EPPK1: variants seen among roughly 807,000 people sequenced by gnomAD.
The protein encoded by EPPK1 is epiplakin 1, also known as epiplakin.
For missense variants in EPPK1, 3,823 were observed against 3,673.3 expected (o/e 1.04, Z -1.05); for synonymous variants, 1,862 against 1,721.2 (o/e 1.08, Z -2.03).
chr8:143,866,807 C>G lies in EPPK1; in HGVS notation c.6447G>C (p.Arg2149=). ...LVRMYRTHTR[R]ALQTVAQLIL... is the part of the protein sequence containing the mutation. Reference sequence around the variant, plus strand: ...TGAGCTGCGCTACCGTCTGCAGTGCCCGTCTGGTGTGTGTTCTATACATCC... The same window carrying G: ...TGAGCTGCGCTACCGTCTGCAGTGCGCGTCTGGTGTGTGTTCTATACATCC... Residue 2149 remains arginine, a synonymous_variant, in exon 2 of 2, where the codon CGG becomes CGC. Coordinates refer to ENST00000615648, the MANE Select transcript of EPPK1 (RefSeq NM_031308.4). 6.2e-7 allele frequency: 1 copy of G among 1,613,474 alleles called. No homozygotes were observed. The highest frequency in any genetic ancestry group is 8.5e-7 in the Non-Finnish European group (1 of 1,179,864).
At position 143,868,347 on chromosome 8, in the gene EPPK1, T is replaced by G; in HGVS notation, c.4907A>C (p.Lys1636Thr). The change falls in exon 2 of 2, where the codon AAA becomes ACA. Residue 1636 changes from lysine to threonine, a missense_variant. By Grantham distance (78) the Lys-to-Thr change is moderately conservative. Coordinates refer to ENST00000615648, the MANE Select transcript of EPPK1 (RefSeq NM_031308.4). The stretch of plus-strand genomic sequence containing the variant: ...CGACAGCAGCTTCACGTAGGTTTCT[T>G]TCCCGAACATTCCTGCTTTGAACGC... ...EEAFKAGMFG[K>T]ETYVKLLSAE... 1.2e-6 allele frequency: 2 copies of G among 1,613,062 alleles called. No individual in the cohort carries two copies. Among genetic ancestry groups the G allele is most frequent in the Non-Finnish European group, 1.7e-6 (2 of 1,180,000 alleles).
rs781796188 is a variant in EPPK1, at chr8:143,873,178, T to C, written c.76A>G (p.Met26Val). 1.3e-6 allele frequency: 2 copies of C among 1,595,818 alleles called. No homozygotes were observed. Among genetic ancestry groups the C allele is most frequent in the East Asian group, 2.2e-5 (1 of 44,788 alleles). Residue 26 changes from methionine (M) to valine (V), a missense_variant, in exon 2 of 2, where the codon ATG becomes GTG. Coordinates refer to ENST00000615648, the MANE Select transcript of EPPK1 (RefSeq NM_031308.4). ...GTGCCGGCTCCCAGCGTGGCTGCCA[T>C]GGCTCTGGGTACACTGGCCTGCTCT... The part of the protein sequence containing the change: ...STEQASVPRA[M>V]AATLGAGTPP...
rs782132942 is a variant in EPPK1, at chr8:143,858,114, G to C, written c.15140C>G (p.Pro5047Arg). 1 of 1,613,452 alleles carries C rather than the reference G, an allele frequency of 6.2e-7. No homozygotes were observed. Among genetic ancestry groups the C allele is most frequent in the African/African-American group, 1.3e-5 (1 of 75,068 alleles). Residue 5047 changes from proline (P) to arginine (R), a missense_variant, in exon 2 of 2, where the codon CCC becomes CGC. Pro to Arg is a moderately radical substitution (Grantham distance 103, BLOSUM62 -2). Coordinates refer to ENST00000615648, the MANE Select transcript of EPPK1 (RefSeq NM_031308.4). ...GAAGAAGCCCTTGGTGTCGTCGCTG[G>C]GGTCGGCCAGGACGCGGTTCATCTC... Reference protein sequence around the residue: ...DEEMNRVLADPSDDTKGFFDP... With the variant: ...DEEMNRVLADRSDDTKGFFDP...
chr8:143,876,847 G>A (rs1819488831), intron 1 of EPPK1, among the ~76,000 whole-genome samples: 1 of 152,356 alleles, frequency 6.6e-6, no homozygotes, highest in South Asian at 2.1e-4. Context: ...CCAGCAAGGG[G>A]GAGGGGCAGT....
In EPPK1 at chr8:143,871,648, G is replaced by T; in HGVS notation, c.1606C>A (p.Leu536Ile). The change falls in exon 2 of 2, where the codon CTC becomes ATC. Residue 536 changes from leucine (L) to isoleucine (I), a missense_variant. Physicochemically the swap from Leu to Ile is conservative, Grantham distance 5. Coordinates refer to ENST00000615648, the MANE Select transcript of EPPK1 (RefSeq NM_031308.4). ...TTAGCGGCCAGCTTCTCCACGGAGAGGGTCCCTTCCTGGTACTGCTGGGCC... is the reference window on the plus strand; with the variant it reads ...TTAGCGGCCAGCTTCTCCACGGAGATGGTCCCTTCCTGGTACTGCTGGGCC... ...MLAQQYQEGT[L>I]SVEKLAAKLS... is the part of the protein sequence containing the mutation. 6.2e-7 allele frequency: 1 copy of T among 1,603,074 alleles called. No homozygotes were observed.
chr8:143,870,192 G>C lies in EPPK1; in HGVS notation c.3062C>G (p.Ser1021Cys), dbSNP rs147934659. 10 of 1,611,292 alleles carry C rather than the reference G, an allele frequency of 6.2e-6. No homozygotes were observed. The East Asian group carries it at 2.2e-4, about 36-fold the overall frequency. ...ACCTTTCTTCATGGCCTGGAACACA[G>C]ACACCTGCTTCCCAGAGAAGGGGTC... ...FRDPFSGKQVSVFQAMKKGLI... is the reference protein window; with the variant it reads ...FRDPFSGKQVCVFQAMKKGLI... The change falls in exon 2 of 2, where the codon TCT (serine) becomes TGT (cysteine). Residue 1021 changes from serine to cysteine, a missense_variant. Coordinates refer to ENST00000615648, the MANE Select transcript of EPPK1 (RefSeq NM_031308.4). This position sits in a 1 kb window ranked among gnomAD's most constrained non-coding sequence, Gnocchi z 5.2.
intron 1 of EPPK1, among the ~76,000 whole-genome samples, chr8:143,877,058 G>A (rs374999346): frequency 1.7e-4 from 26 of 152,402 alleles, no homozygotes; most frequent in African/African-American, 5.5e-4. Flanking sequence ...GAGACAGGGC[G>A]CTTGGGAGCA....
chr8:143,872,268 A>T lies in EPPK1; in HGVS notation c.986T>A (p.Val329Glu), dbSNP rs1440888619. Reference sequence around the variant, plus strand: ...CAGCCGCTGGCCTGTGATGGGGTCCACCAGGGTGTGGGTGGCAGCCTGGGC... The same window carrying T: ...CAGCCGCTGGCCTGTGATGGGGTCCTCCAGGGTGTGGGTGGCAGCCTGGGC... ...LEAQAATHTL[V>E]DPITGQRLWV... The change falls in exon 2 of 2, where the codon GTG (valine) becomes GAG (glutamate). Residue 329 changes from valine (V) to glutamate (E), a missense_variant. By Grantham distance (121) the Val-to-Glu change is moderately radical. Coordinates refer to ENST00000615648, the MANE Select transcript of EPPK1 (RefSeq NM_031308.4). 2.5e-6 allele frequency: 4 copies of T among 1,608,088 alleles called. No homozygotes were observed. The highest frequency in any genetic ancestry group is 1.7e-6 in the Non-Finnish European group (2 of 1,177,716).
intron 1 of EPPK1, among the ~76,000 whole-genome samples, chr8:143,876,984 C>T (rs1819494217): frequency 6.6e-6 from 1 of 152,242 alleles, no homozygotes; most frequent in Admixed American, 6.5e-5. Context: ...CTAAGCGGGC[C>T]TCGTAAGCTC....
chr8:143,868,394 G>C lies in EPPK1; in HGVS notation c.4860C>G (p.Asn1620Lys). Residue 1620 changes from asparagine to lysine, a missense_variant, in exon 2 of 2, where the codon AAC becomes AAG. Asn to Lys is a moderately conservative substitution (Grantham distance 94, BLOSUM62 0). Transcript: ENST00000615648. ...ATGFIIDPVENRKLTVEEAFK... is the reference protein window; with the variant it reads ...ATGFIIDPVEKRKLTVEEAFK... Reference sequence around the variant, plus strand: ...ACGCCTCCTCCACGGTCAGCTTCCGGTTCTCCACGGGGTCGATGATGAAGC... The same window carrying C: ...ACGCCTCCTCCACGGTCAGCTTCCGCTTCTCCACGGGGTCGATGATGAAGC... 6.2e-7 allele frequency: 1 copy of C among 1,612,676 alleles called. No homozygotes were observed. Among genetic ancestry groups the C allele is most frequent in the Non-Finnish European group, 8.5e-7 (1 of 1,179,860 alleles).
rs782609773 is a variant in EPPK1 at position 143,867,543 on chromosome 8, A to G, written c.5711T>C (p.Val1904Ala). ...GCTCATGACCTCCCTGGTGGAGGGC[A>G]CCGTGACCCCCGCAATGCAGCCGCT... ...EGSGCIAGVT[V>A]PSTREVMSLH... Residue 1904 changes from valine (V) to alanine (A), a missense_variant, in exon 2 of 2, where the codon GTG (valine) becomes GCG (alanine). Transcript: ENST00000615648. 1 of 1,612,494 alleles carries G rather than the reference A, an allele frequency of 6.2e-7. No individual in the cohort carries two copies. The highest frequency in any genetic ancestry group is 1.7e-5 in the Admixed American group (1 of 59,980).
chr8:143,878,447 C>CCT lies in EPPK1; in HGVS notation c.-56_-55insAG, dbSNP rs1819533213. Reference sequence around the variant, plus strand: ...GCCGCACCCGCCGCACCTGCCCGCTCGCCGCTCGGTCCGCAGTGTCTCCGC... The same window carrying CCT: ...GCCGCACCCGCCGCACCTGCCCGCTCCTGCCGCTCGGTCCGCAGTGTCTCCGC... On this transcript the variant is annotated 5_prime_UTR_variant, in exon 1 of 2. Transcript: ENST00000615648. The CCT allele has an allele frequency of 6.7e-6, 1 of 149,326 alleles. No individual in the cohort carries two copies. Among genetic ancestry groups the CCT allele is most frequent in the South Asian group, 1.8e-4 (1 of 5,674 alleles). The allele number at this position is 149,326 out of a possible 1,614,324, so 9.3% of individuals were successfully genotyped here. A position where few individuals can be genotyped will look rare whatever the true frequency, so the allele number is the denominator to read the frequency against.
chr8:143,858,020 C>T lies in EPPK1; in HGVS notation c.15234G>A (p.Thr5078=), dbSNP rs6982684. Residue 5078 remains threonine (T), a synonymous_variant, in exon 2 of 2, where the codon ACG becomes ACA. Coordinates refer to ENST00000615648, the MANE Select transcript of EPPK1 (RefSeq NM_031308.4). ...GAGAGAGAGAAAGAAATAGGAGCCCCGTCTCAGGGTCCAGGGTGGCCCTCT... is the reference window on the plus strand; with the variant it reads ...GAGAGAGAGAAAGAAATAGGAGCCCTGTCTCAGGGTCCAGGGTGGCCCTCT... ...LLQRATLDPE[T]GLLFLSLSLQ 4 of 1,610,604 alleles carry T rather than the reference C, an allele frequency of 2.5e-6. No individual in the cohort carries two copies. The highest frequency in any genetic ancestry group is 2.2e-5 in the East Asian group (1 of 44,850).
Position 143,870,137 on chromosome 8 carries a change from G to A in EPPK1, c.3117C>T (p.Leu1039=). ...CTCCTGTGGCCACTTGAGCCTCCAG[G>A]AGGCGGGCAGCTTGCTCCCAAGGGA... is the stretch of plus-strand genomic sequence containing the variant. The part of the protein sequence containing the change: ...GLIPWEQAAR[L]LEAQVATGGI... The change falls in exon 2 of 2, where the codon CTC becomes CTT. Residue 1039 remains leucine (L), a synonymous_variant. Transcript: ENST00000615648. The surrounding 1 kb of genome is among the most constrained non-coding windows in gnomAD (Gnocchi z 5.2). 1 of 1,611,816 alleles carries A rather than the reference G, an allele frequency of 6.2e-7. No homozygotes were observed. The highest frequency in any genetic ancestry group is 8.5e-7 in the Non-Finnish European group (1 of 1,179,422).
At chr8:143,875,226 C>G (rs1161131385) in intron 1 of EPPK1, among the ~76,000 whole-genome samples, 1 of 152,210 alleles carries the variant, frequency 6.6e-6, no homozygotes, top group Non-Finnish European at 1.5e-5. Flanking sequence ...CTCCCCATGT[C>G]TGGTCTCACG....
chr8:143,872,224 T>A lies in EPPK1; in HGVS notation c.1030A>T (p.Arg344Trp), dbSNP rs1819377508. Reference protein sequence around the residue: ...GQRLWVDEAVRAGLVSPELHE... With the variant: ...GQRLWVDEAVWAGLVSPELHE... ...AGCTCTGGGCTGACCAGGCCCGCCC[T>A]GACTGCCTCGTCTACCCACAGCCGC... is the stretch of plus-strand genomic sequence containing the variant. Residue 344 changes from arginine to tryptophan, a missense_variant, in exon 2 of 2, where the codon AGG becomes TGG. By Grantham distance (101) the Arg-to-Trp change is moderately radical. Coordinates refer to ENST00000615648, the MANE Select transcript of EPPK1 (RefSeq NM_031308.4). The A allele has an allele frequency of 6.2e-7, 1 of 1,609,276 alleles. No homozygotes were observed. Among genetic ancestry groups the A allele is most frequent in the Non-Finnish European group, 8.5e-7 (1 of 1,178,398 alleles).
In EPPK1 at chr8:143,866,800, G is replaced by A. The variant is rs1819129479; in HGVS notation, c.6454C>T (p.Gln2152Ter). 1.2e-6 allele frequency: 2 copies of A among 1,613,306 alleles called. No homozygotes were observed. Among genetic ancestry groups the A allele is most frequent in the African/African-American group, 1.3e-5 (1 of 74,912 alleles). ...TCTAAGATGAGCTGCGCTACCGTCTGCAGTGCCCGTCTGGTGTGTGTTCTA... is the reference window on the plus strand; with the variant it reads ...TCTAAGATGAGCTGCGCTACCGTCTACAGTGCCCGTCTGGTGTGTGTTCTA... ...MYRTHTRRAL[Q>*]TVAQLILELI... The change falls in exon 2 of 2, where the codon CAG (glutamine) becomes TAG (stop). Residue 2152 changes from glutamine (Q) to a stop codon, truncating the protein, a stop_gained. Coordinates refer to ENST00000615648, the MANE Select transcript of EPPK1 (RefSeq NM_031308.4). LOFTEE classifies it low-confidence loss of function (END_TRUNC).
Position 143,871,377 on chromosome 8 carries a change from A to G in EPPK1, c.1877T>C (p.Ile626Thr). ...GAGCCCCTTGCATCGGGCCTCATAG[A>G]TGCTCAGGCGTTCCTGGGAGCCAGG... ...LLPGSQERLS[I>T]YEARCKGLLR... The change falls in exon 2 of 2, where the codon ATC (isoleucine) becomes ACC (threonine). Residue 626 changes from isoleucine (I) to threonine (T), a missense_variant. Transcript: ENST00000615648. 1 of 1,607,552 alleles carries G rather than the reference A, an allele frequency of 6.2e-7. No homozygotes were observed. Among genetic ancestry groups the G allele is most frequent in the Non-Finnish European group, 8.5e-7 (1 of 1,177,986 alleles).
In EPPK1 at chr8:143,869,704, G is replaced by A. The variant is rs1554660474; in HGVS notation, c.3550C>T (p.Gln1184Ter). The part of the protein sequence containing the change: ...QLLASVQRWV[Q>*]ETKLLAQARV... The stretch of plus-strand genomic sequence containing the variant: ...GCCTGGGCCAGGAGCTTGGTCTCCT[G>A]TACCCACCTCTGCACAGAGGCTAGC... The change falls in exon 2 of 2, where the codon CAG (glutamine) becomes TAG (stop). Residue 1184 changes from glutamine (Q) to a stop codon, truncating the protein, a stop_gained. Coordinates refer to ENST00000615648, the MANE Select transcript of EPPK1 (RefSeq NM_031308.4). LOFTEE classifies it low-confidence loss of function (END_TRUNC). The A allele has an allele frequency of 3.8e-6, 6 of 1,596,282 alleles. No individual in the cohort carries two copies. The highest frequency in any genetic ancestry group is 5.1e-6 in the Non-Finnish European group (6 of 1,172,490).
Sources: gnomAD v4.1 joint callset for allele counts (sites outside exome capture counted in the v4.1 genomes callset) on GRCh38, gnomAD v4.1.1 for gene constraint, Gnocchi (gnomAD v3.1) non-coding constraint, MANE v1.5 for transcripts, NCBI Gene and HGNC (gene_info 2026-07-23, HGNC 2026-07-21) for gene names.